The following CECR2 variants were observed in gnomAD, a reference collection of about 807,000 sequenced individuals.
CECR2 encodes chromatin remodeling regulator CECR2.
In CECR2, 30 loss-of-function variants were observed where a neutral mutation model predicts 154.5. The observed-to-expected ratio is 0.19, with a 90% CI of 0.15 to 0.26. The LOEUF (loss-of-function observed/expected upper bound fraction) is 0.26, where lower values mean the gene tolerates loss of function less well. Ranked by LOEUF, CECR2 falls within the 10% of genes least tolerant of loss-of-function variation. The pLI is 1.00. For missense variants in CECR2, 1,743 were observed against 1,829.3 expected (o/e 0.95, Z 0.86); for synonymous variants, 725 against 683.7 (o/e 1.06, Z -0.94).
chr22:17,383,758 G>A (rs1225241102), intron 1 of CECR2, among the ~76,000 whole-genome samples: 5 of 147,202 alleles, frequency 3.4e-5, no homozygotes, highest in Non-Finnish European at 5.9e-5. Flanking sequence ...TCCGCTTCCT[G>A]GGTTCAAGCA....
At chr22:17,520,507 G>A (rs2056138901) in intron 8 of CECR2, among the ~76,000 whole-genome samples, 1 of 152,058 alleles carries the variant, frequency 6.6e-6, no homozygotes, top group Admixed American at 6.6e-5. Flanking sequence ...CATGTGCCAT[G>A]TTGGTTTGCT....
chr22:17,377,262 T>C (rs1158598649), intron 1 of CECR2, among the ~76,000 whole-genome samples: 3 of 152,196 alleles, frequency 2.0e-5, no homozygotes, highest in Non-Finnish European at 4.4e-5. Context: ...TTCTTTCTCT[T>C]TCTCTGGCAT....
chr22:17,502,079 G>T (rs1055329465), intron 5 of CECR2, among the ~76,000 whole-genome samples: 4 of 152,188 alleles, frequency 2.6e-5, no homozygotes, highest in African/African-American at 9.7e-5. Flanking sequence ...TCCACAGAGT[G>T]TCCTTTCTGT....
intron 17 of CECR2, 86 bp downstream of exon 17, chr22:17,549,650 T>G: frequency 3.2e-6 from 4 of 1,233,002 alleles, no homozygotes; most frequent in Non-Finnish European, 4.5e-6. Context: ...TCTCACTTTG[T>G]CACCCAGGCT....
chr22:17,447,033 C>CTTTTTTT (rs1555910503), intron 1 of CECR2, among the ~76,000 whole-genome samples: 20 of 114,104 alleles, frequency 1.8e-4, no homozygotes, highest in South Asian at 6.3e-4. Context: ...CGTTTACAAT[C>CTTTTTTT]TTTTTTTTTT....
At position 17,541,927 on chromosome 22, in the gene CECR2, C is replaced by T. The variant is rs1370788467; in HGVS notation, c.1973C>T (p.Pro658Leu). 1 of 1,613,986 alleles carries T rather than the reference C, an allele frequency of 6.2e-7. No individual in the cohort carries two copies. Among genetic ancestry groups the T allele is most frequent in the Non-Finnish European group, 8.5e-7 (1 of 1,179,880 alleles). The change falls in exon 15 of 19, where the codon CCC (proline) becomes CTC (leucine). Residue 658 changes from proline (P) to leucine (L), a missense_variant. Pro to Leu is a moderately conservative substitution (Grantham distance 98, BLOSUM62 -3). Coordinates refer to ENST00000262608, the MANE Select transcript of CECR2 (RefSeq NM_001290047.2). The stretch of plus-strand genomic sequence containing the variant: ...TCCTCTGGAGTCCCGGAGCCACACC[C>T]CGGGGAGCCTGTGCAGCAGCGTCAG... ...YGSSGVPEPH[P>L]GEPVQQRQPF...
chr22:17,512,300 G>C (rs1206155367), intron 8 of CECR2, among the ~76,000 whole-genome samples: 2 of 151,962 alleles, frequency 1.3e-5, no homozygotes, highest in African/African-American at 4.8e-5. Flanking sequence ...GGTGGGAGAG[G>C]TGGGGCAGAA....
chr22:17,371,306 C>T (rs2063058017), intron 1 of CECR2, among the ~76,000 whole-genome samples: 1 of 152,144 alleles, frequency 6.6e-6, no homozygotes, highest in African/African-American at 2.4e-5. Flanking sequence ...TTTGGCGATT[C>T]TTAGTTCCTT....
chr22:17,513,872 C>T (rs546553821), intron 8 of CECR2, among the ~76,000 whole-genome samples: 11 of 152,306 alleles, frequency 7.2e-5, no homozygotes, highest in East Asian at 3.9e-4. Flanking sequence ...TAGACTGAAA[C>T]GTCCTTCATT....
intron 1 of CECR2, among the ~76,000 whole-genome samples, chr22:17,376,408 C>T (rs947206442): frequency 5.5e-5 from 7 of 126,450 alleles, no homozygotes; most frequent in African/African-American, 2.1e-4. Context: ...GCCTAAAATA[C>T]ACCTTGGCAG....
At position 17,369,634 on chromosome 22, in the gene CECR2, C is replaced by A. The variant is rs2063030404; in HGVS notation, c.-150C>A. 6.8e-6 allele frequency: 1 copy of A among 146,984 alleles called. No homozygotes were observed. The highest frequency in any genetic ancestry group is 2.4e-5 in the African/African-American group (1 of 40,852). The allele number at this position is 146,984 out of a possible 1,614,324, so 9.1% of individuals were successfully genotyped here. On this transcript the variant is annotated 5_prime_UTR_variant, in exon 1 of 19. Coordinates refer to ENST00000262608, the MANE Select transcript of CECR2 (RefSeq NM_001290047.2). ...GCCCGGCGCCCGCCCTCGGCTCCTG[C>A]ACTCGCCGAGCGGCGGCAGCAGCGG...
chr22:17,428,166 ATGGGGTTGTT>A (rs1375541424), intron 1 of CECR2: 1 of 151,908 alleles, frequency 6.6e-6, no homozygotes. Flanking sequence ...CCACTTTTTG[ATGGGGTTGTT>A]TTTTTCTTGT....
At chr22:17,432,745 C>T (rs922223982) in intron 1 of CECR2, among the ~76,000 whole-genome samples, 3 of 152,188 alleles carry the variant, frequency 2.0e-5, no homozygotes, top group Admixed American at 6.5e-5. Flanking sequence ...AAGCAACCCT[C>T]CTACCTCAGC....
At chr22:17,488,841 G>A (rs2055472586) in intron 2 of CECR2, among the ~76,000 whole-genome samples, 2 of 152,152 alleles carry the variant, frequency 1.3e-5, no homozygotes, top group African/African-American at 2.4e-5. Flanking sequence ...CATGGTAAAA[G>A]TATGTTTGAC....
At chr22:17,389,571 A>G (rs1483931261) in intron 1 of CECR2, among the ~76,000 whole-genome samples, 2 of 152,110 alleles carry the variant, frequency 1.3e-5, no homozygotes, top group African/African-American at 4.8e-5. Context: ...TCAGCCTCCC[A>G]AGTAGCTAGG....
At chr22:17,461,111 C>T (rs995717793) in intron 1 of CECR2, among the ~76,000 whole-genome samples, 6 of 152,316 alleles carry the variant, frequency 3.9e-5, no homozygotes, top group Admixed American at 3.9e-4. Flanking sequence ...TGCTGCTCTG[C>T]CAGCAGCTGT....
intron 2 of CECR2, among the ~76,000 whole-genome samples, chr22:17,490,642 G>A (rs2055511752): frequency 6.6e-6 from 1 of 151,614 alleles, no homozygotes; most frequent in Non-Finnish European, 1.5e-5. Context: ...GTAGAGACAG[G>A]GTTTCACCAT....
At chr22:17,479,398 A>G (rs2055266380) in intron 2 of CECR2, among the ~76,000 whole-genome samples, 1 of 152,350 alleles carries the variant, frequency 6.6e-6, no homozygotes, top group South Asian at 2.1e-4. Context: ...AGGGAGGTCC[A>G]TGAATCATTA....
intron 1 of CECR2, among the ~76,000 whole-genome samples, chr22:17,439,168 C>CCT (rs2054548582): frequency 7.1e-6 from 1 of 140,398 alleles, no homozygotes; most frequent in Admixed American, 7.2e-5. Flanking sequence ...GAAACACTCC[C>CCT]TTTTTTTTTT....
Sources: allele counts gnomAD v4.1 joint callset (sites outside exome capture counted in the v4.1 genomes callset), GRCh38; gene constraint gnomAD v4.1.1; transcripts MANE v1.5; gene names NCBI Gene and HGNC (gene_info 2026-07-23, HGNC 2026-07-21).